PTPRN2: variants seen among roughly 807,000 people sequenced by gnomAD.
PTPRN2 encodes protein tyrosine phosphatase receptor type N2.
In PTPRN2, 74 loss-of-function variants were observed where a neutral mutation model predicts 118.8. The ratio of observed to expected loss-of-function variants is 0.62; its 90% confidence interval spans 0.52 to 0.76. The LOEUF is 0.76. PTPRN2 is among the 30% of genes least tolerant of loss of function. PTPRN2 has a pLI of 0.00. For missense variants in PTPRN2, 1,481 were observed against 1,394.4 expected (o/e 1.06, Z -0.99); for synonymous variants, 641 against 608.0 (o/e 1.05, Z -0.80).
intron 2 of PTPRN2, among the ~76,000 whole-genome samples, chr7:158,377,398 T>C (rs1810625227): frequency 1.3e-5 from 2 of 152,192 alleles, no homozygotes; most frequent in Non-Finnish European, 2.9e-5. Flanking sequence ...GTAAAATGTA[T>C]CGGTCTTCAC....
At chr7:157,661,585 G>T (rs1666751634) in intron 13 of PTPRN2, among the ~76,000 whole-genome samples, 1 of 151,822 alleles carries the variant, frequency 6.6e-6, no homozygotes, top group African/African-American at 2.4e-5. Context: ...GGAATGGCCT[G>T]CAGGGAGGAA....
rs117095055 is a variant in PTPRN2, at chr7:158,258,293, A to G, written c.278-53020T>C. ...ATCAGCCGCTGACGCCTCCCCCGGC[A>G]TCTCCACGTGCAGCCCCTGCCCTGC... On this transcript the variant is annotated intron_variant, in intron 3 of 22. Transcript: ENST00000389418. Among the ~76,000 whole-genome samples the G allele has an allele frequency of 8.5e-3, 1,296 of 152,332 alleles. 9 individuals are homozygous for G. The highest frequency in any genetic ancestry group is 0.013 in the Non-Finnish European group (884 of 68,034).
chr7:158,336,306 C>T (rs1805511092), intron 2 of PTPRN2, among the ~76,000 whole-genome samples: 1 of 141,366 alleles, frequency 7.1e-6, no homozygotes, highest in South Asian at 2.4e-4. Context: ...TCACTCACAC[C>T]CACACTCTCA....
At chr7:158,011,439 G>A (rs1806042127) in intron 11 of PTPRN2, among the ~76,000 whole-genome samples, 1 of 152,272 alleles carries the variant, frequency 6.6e-6, no homozygotes, top group Middle Eastern at 3.4e-3. Context: ...ATTCCAGTTT[G>A]AAGCATCCAT....
At chr7:158,521,403 T>C (rs1348226233) in intron 1 of PTPRN2, among the ~76,000 whole-genome samples, 1 of 152,226 alleles carries the variant, frequency 6.6e-6, no homozygotes, top group Non-Finnish European at 1.5e-5. Context: ...GGAAATTGTT[T>C]TTTCTCCCTG....
At chr7:158,184,025 A>T (rs916487056) in intron 5 of PTPRN2, among the ~76,000 whole-genome samples, 1 of 151,896 alleles carries the variant, frequency 6.6e-6, no homozygotes, top group Non-Finnish European at 1.5e-5. Flanking sequence ...GAAATTTTTT[A>T]TCTTAAAAAG....
At chr7:158,472,603 G>A (rs1280650199) in intron 2 of PTPRN2, among the ~76,000 whole-genome samples, 2 of 152,138 alleles carry the variant, frequency 1.3e-5, no homozygotes, top group Admixed American at 6.5e-5. Flanking sequence ...GCAGCCCCAG[G>A]CTAAGCTTTG....
chr7:157,849,298 C>A (rs558677238), intron 12 of PTPRN2, among the ~76,000 whole-genome samples: 1 of 152,296 alleles, frequency 6.6e-6, no homozygotes, highest in African/African-American at 2.4e-5. Context: ...ATGAGGCCAC[C>A]GTCATTCCCA....
intron 12 of PTPRN2, among the ~76,000 whole-genome samples, chr7:157,832,542 C>G (rs1481595369): frequency 1.3e-5 from 2 of 152,136 alleles, no homozygotes; most frequent in South Asian, 2.1e-4. Context: ...ACTGAAGCTC[C>G]CTTCAAACCC....
chr7:157,906,377 C>T (rs1797769608), intron 11 of PTPRN2, among the ~76,000 whole-genome samples: 1 of 152,228 alleles, frequency 6.6e-6, no homozygotes, highest in Non-Finnish European at 1.5e-5. Context: ...ATCACAATTC[C>T]TGTAAAGGAA....
rs552978091 is a variant in PTPRN2 at position 158,115,315 on chromosome 7, G to A, written c.1557-4400C>T. 1.2e-3 allele frequency among the ~76,000 whole-genome samples: 184 copies of A among 152,236 alleles called. 1 individual carries two copies. Among genetic ancestry groups the A allele is most frequent in the Middle Eastern group, 3.4e-3 (1 of 294 alleles). ...GACATGAGCTCAAGCAGCATGGACC[G>A]TGGTAATGGTGACTGAAGTGGACAT... On this transcript the variant is annotated intron_variant, in intron 9 of 22. Coordinates refer to ENST00000389418, the MANE Select transcript of PTPRN2 (RefSeq NM_002847.5).
chr7:158,534,512 G>A (rs1008383334), intron 1 of PTPRN2, among the ~76,000 whole-genome samples: 1 of 152,160 alleles, frequency 6.6e-6, no homozygotes, highest in African/African-American at 2.4e-5. Flanking sequence ...TTTCCCAAAC[G>A]CAGTGGGATC....
intron 3 of PTPRN2, among the ~76,000 whole-genome samples, chr7:158,244,236 C>T (rs556114868): frequency 1.1e-5 from 1 of 91,346 alleles, no homozygotes; most frequent in South Asian, 4.2e-4. Flanking sequence ...TGCTTCTTCA[C>T]TCAGAAGTGC....
intron 12 of PTPRN2, among the ~76,000 whole-genome samples, chr7:157,843,410 G>A (rs766607175): frequency 2.0e-5 from 3 of 152,178 alleles, no homozygotes; most frequent in Non-Finnish European, 4.4e-5. Context: ...CCGGCGTGGG[G>A]GTTTATGGGC....
rs568928942 is a variant in PTPRN2 at position 157,785,807 on chromosome 7, G to T, written c.1789-102870C>A. 6.6e-6 allele frequency among the ~76,000 whole-genome samples: 1 copy of T among 152,268 alleles called. No individual in the cohort carries two copies. The highest frequency in any genetic ancestry group is 2.1e-4 in the South Asian group (1 of 4,820). ...CACGCCCGGCTGGGAGCTGAGACGC[G>T]CAGGGGGCCCAGCTGAAGCCTGCGT... On this transcript the variant is annotated intron_variant, in intron 12 of 22. Coordinates refer to ENST00000389418, the MANE Select transcript of PTPRN2 (RefSeq NM_002847.5). The surrounding 1 kb of genome is among the most constrained non-coding windows in gnomAD (Gnocchi z 7.3).
intron 9 of PTPRN2, among the ~76,000 whole-genome samples, chr7:158,133,094 T>G (rs954770217): frequency 2.6e-5 from 4 of 152,194 alleles, no homozygotes; most frequent in Non-Finnish European, 4.4e-5. Context: ...CAGATCGACA[T>G]GAGGGCGGGG....
chr7:157,941,360 C>T (rs1800104854), intron 11 of PTPRN2, among the ~76,000 whole-genome samples: 1 of 112,570 alleles, frequency 8.9e-6, no homozygotes, highest in Non-Finnish European at 1.7e-5. Context: ...ACACCCTCCC[C>T]TGTGACACTG....
chr7:158,578,751 T>C (rs1242184322), intron 1 of PTPRN2, among the ~76,000 whole-genome samples: 1 of 151,538 alleles, frequency 6.6e-6, no homozygotes, highest in African/African-American at 2.4e-5. Context: ...TCCTACTTCT[T>C]CTCTTTTTTT....
Position 157,861,697 on chromosome 7 carries a change from G to C in PTPRN2, c.1788+36976C>G, listed in dbSNP as rs931275114. ...TTGGAGGTGTCTGCAGGGCCTTGAA[G>C]GGGACACCGACCCTTCCTGACTCCC... On this transcript the variant is annotated intron_variant, in intron 12 of 22. Transcript: ENST00000389418. This position sits in a 1 kb window ranked among gnomAD's most constrained non-coding sequence, Gnocchi z 5.8. Among the ~76,000 whole-genome samples, 7 of 152,240 alleles carry C rather than the reference G, an allele frequency of 4.6e-5. No homozygotes were observed. Among genetic ancestry groups the C allele is most frequent in the Non-Finnish European group, 8.8e-5 (6 of 68,036 alleles).
Sources: allele counts gnomAD v4.1 joint callset (sites outside exome capture counted in the v4.1 genomes callset), GRCh38; gene constraint gnomAD v4.1.1; non-coding constraint Gnocchi (gnomAD v3.1); transcripts MANE v1.5; gene names NCBI Gene and HGNC (gene_info 2026-07-23, HGNC 2026-07-21).